Variants in NTM observed in about 807,000 individuals in gnomAD.
The protein encoded by NTM is IgLON family member 2.
In NTM, 13 loss-of-function variants were observed where a neutral mutation model predicts 42.1. That is an observed-to-expected ratio of 0.31 (90% CI 0.20 to 0.49). The LOEUF (loss-of-function observed/expected upper bound fraction) is 0.49. Among genes scored for constraint, NTM ranks in the 20% least tolerant of loss-of-function variants. The probability of loss-of-function intolerance (pLI) is 0.99; values close to 1 mark genes in which losing one functional copy is unlikely to be tolerated. For synonymous variants in NTM, 187 were observed against 179.2 expected (o/e 1.04, Z -0.35); for missense variants, 373 against 452.8 (o/e 0.82, Z 1.60).
intron 2 of NTM, among the ~76,000 whole-genome samples, chr11:132,134,763 C>T (rs1461385802): frequency 9.7e-6 from 1 of 102,850 alleles, no homozygotes; most frequent in African/African-American, 3.4e-5. Flanking sequence ...ATATATATCT[C>T]ACATTTTCTT....
chr11:132,111,815 G>A (rs1275220520), intron 2 of NTM, among the ~76,000 whole-genome samples: 1 of 152,226 alleles, frequency 6.6e-6, no homozygotes, highest in Admixed American at 6.5e-5. Context: ...ACACCACTTG[G>A]AAGCTGGATC....
intron 7 of NTM, chr11:132,317,770 G>C (rs77398609): frequency 1.2e-6 from 1 of 804,004 alleles, no homozygotes; most frequent in South Asian, 1.4e-5. Context: ...TGCATTACCC[G>C]AAGCACTTGT....
At chr11:131,555,973 G>A (rs1414032536) in intron 1 of NTM, among the ~76,000 whole-genome samples, 2 of 152,196 alleles carry the variant, frequency 1.3e-5, no homozygotes, top group South Asian at 2.1e-4. Flanking sequence ...TTATGACCGA[G>A]AGGAAGTTAA....
intron 2 of NTM, among the ~76,000 whole-genome samples, chr11:132,098,804 C>T (rs1446501020): frequency 1.3e-5 from 2 of 152,262 alleles, no homozygotes; most frequent in African/African-American, 2.4e-5. Context: ...AGTACCTGGA[C>T]TTCAGCCTCA....
intron 2 of NTM, among the ~76,000 whole-genome samples, chr11:132,014,716 G>A (rs1050292614): frequency 5.3e-5 from 7 of 131,562 alleles, no homozygotes; most frequent in South Asian, 4.8e-4. Context: ...TCATTTACCC[G>A]CTTTTTAAGA....
At chr11:131,440,543 G>T (rs1949528625) in intron 1 of NTM, among the ~76,000 whole-genome samples, 1 of 152,036 alleles carries the variant, frequency 6.6e-6, no homozygotes, top group Admixed American at 6.6e-5. Flanking sequence ...AACACAGTCT[G>T]CTAGGTCCCT....
intron 3 of NTM, among the ~76,000 whole-genome samples, chr11:132,186,529 TATC>T (rs2078423783): frequency 6.6e-6 from 1 of 152,208 alleles, no homozygotes; most frequent in African/African-American, 2.4e-5. Context: ...GACTCCATCT[TATC>T]ATCCACGTGG....
intron 1 of NTM, among the ~76,000 whole-genome samples, chr11:131,522,629 C>A (rs576270991): frequency 1.2e-4 from 18 of 152,294 alleles, no homozygotes; most frequent in Non-Finnish European, 2.1e-4. Flanking sequence ...ATACGACCTA[C>A]GTGGAAAGGT....
chr11:131,526,326 C>A (rs1159588033), intron 1 of NTM, among the ~76,000 whole-genome samples: 1 of 152,168 alleles, frequency 6.6e-6, no homozygotes, highest in Admixed American at 6.5e-5. Flanking sequence ...GCTGATTGGG[C>A]AGGTGTGGGT....
chr11:132,125,831 GGT>G (rs1005680345), intron 2 of NTM, among the ~76,000 whole-genome samples: 1 of 103,338 alleles, frequency 9.7e-6, no homozygotes, highest in Non-Finnish European at 2.1e-5. Flanking sequence ...TGTGGTGTGT[GGT>G]GTGTGTGTGG....
rs532989238 is a variant in NTM at position 131,887,850 on chromosome 11, T to A, written c.83-23714T>A. Among the ~76,000 whole-genome samples, 3 of 152,350 alleles carry A rather than the reference T, an allele frequency of 2.0e-5. No individual in the cohort carries two copies. In the South Asian group the frequency reaches 6.2e-4, roughly 32 times the overall value. On this transcript the variant is annotated intron_variant, in intron 1 of 8. Coordinates refer to ENST00000683400, the MANE Select transcript of NTM (RefSeq NM_001352005.2). Reference sequence around the variant, plus strand: ...TCAGATGATTATGATAGCACTGTTCTAGGCACTTTATATGAAGAAGGTACT... The same window carrying A: ...TCAGATGATTATGATAGCACTGTTCAAGGCACTTTATATGAAGAAGGTACT...
At chr11:131,662,537 A>G (rs2068263494) in intron 1 of NTM, 1 of 152,242 alleles carries the variant, frequency 6.6e-6, no homozygotes, top group Admixed American at 6.5e-5. Context: ...ACTCCTAGAA[A>G]CTGCCCAACA....
intron 1 of NTM, among the ~76,000 whole-genome samples, chr11:131,442,604 A>G (rs1387621886): frequency 1.3e-5 from 2 of 151,948 alleles, no homozygotes; most frequent in South Asian, 2.1e-4. Context: ...CCAAGTCTCT[A>G]TTAGTTCTGT....
At chr11:132,010,841 T>G (rs2135417311) in intron 2 of NTM, among the ~76,000 whole-genome samples, 1 of 152,174 alleles carries the variant, frequency 6.6e-6, no homozygotes, top group Non-Finnish European at 1.5e-5. Flanking sequence ...AATTCCCTGA[T>G]GGAAGTATCA....
intron 1 of NTM, among the ~76,000 whole-genome samples, chr11:131,680,076 G>C (rs2072171309): frequency 2.0e-5 from 3 of 152,124 alleles, no homozygotes; most frequent in Admixed American, 1.3e-4. Context: ...GGGGAGATGA[G>C]GCTCTCTGGG....
intron 2 of NTM, among the ~76,000 whole-genome samples, chr11:131,985,767 A>G (rs554572068): frequency 1.9e-4 from 29 of 152,336 alleles, no homozygotes; most frequent in African/African-American, 6.7e-4. Flanking sequence ...GGAAAATGGC[A>G]TCGAGTAGGG....
At chr11:131,539,804 G>A (rs1304423444) in intron 1 of NTM, among the ~76,000 whole-genome samples, 1 of 152,192 alleles carries the variant, frequency 6.6e-6, no homozygotes, top group East Asian at 1.9e-4. Flanking sequence ...TGCACTGCAG[G>A]AGGTTGAACT....
At chr11:131,734,004 T>C (rs1312853361) in intron 1 of NTM, among the ~76,000 whole-genome samples, 2 of 152,226 alleles carry the variant, frequency 1.3e-5, no homozygotes, top group African/African-American at 4.8e-5. Context: ...TTAATAATTA[T>C]TTTTGGAATA....
Position 131,638,563 on chromosome 11 carries a change from C to CAA in NTM, c.82+267699_82+267700dup, listed in dbSNP as rs58374119. On this transcript the variant is annotated intron_variant, in intron 1 of 8. Transcript: ENST00000683400. ...CCTAGGTGACACAGCGAGACTCCTTCAAAAAAAAAAAAAAAAAAAAAAAAA... is the reference window on the plus strand; with the variant it reads ...CCTAGGTGACACAGCGAGACTCCTTCAAAAAAAAAAAAAAAAAAAAAAAAAAA... Among the ~76,000 whole-genome samples, 218 of 53,188 alleles carry CAA rather than the reference C, an allele frequency of 4.1e-3. 8 individuals carry two copies. The highest frequency in any genetic ancestry group is 0.013 in the Middle Eastern group (1 of 78). 34.9% of individuals were successfully genotyped at this position (53,188 alleles called of 152,430 possible). A position where few individuals can be genotyped will look rare whatever the true frequency, so the allele number is the denominator to read the frequency against.
Sources: allele counts gnomAD v4.1 joint callset (sites outside exome capture counted in the v4.1 genomes callset), GRCh38; gene constraint gnomAD v4.1.1; transcripts MANE v1.5; gene names NCBI Gene and HGNC (gene_info 2026-07-23, HGNC 2026-07-21).